The following CHN1 variants were observed in gnomAD, a reference collection of about 807,000 sequenced individuals.
CHN1 encodes the protein N-chimaerin.
A neutral mutation model predicts 59.5 loss-of-function variants in CHN1; 37 were observed. The ratio of observed to expected loss-of-function variants is 0.62; its 90% CI spans 0.48 to 0.82. The LOEUF (loss-of-function observed/expected upper bound fraction) is 0.82. Ranked by LOEUF, CHN1 falls within the 40% of genes least tolerant of loss-of-function variation. CHN1 has a pLI of 0.00. For missense variants in CHN1, 469 were observed against 571.0 expected (o/e 0.82, Z 1.82); for synonymous variants, 206 against 200.4 (o/e 1.03, Z -0.24).
At chr2:174,933,823 G>C (rs1689421592) in intron 3 of CHN1, among the ~76,000 whole-genome samples, 1 of 152,180 alleles carries the variant, frequency 6.6e-6, no homozygotes, top group Non-Finnish European at 1.5e-5. Flanking sequence ...GTTTAGTGTA[G>C]TGAAGAGCTA....
Position 175,004,956 on chromosome 2 carries a change from C to T in CHN1, c.-44G>A, listed in dbSNP as rs1470539249. On this transcript the variant is annotated 5_prime_UTR_variant, in exon 1 of 13. Coordinates refer to ENST00000409900, the MANE Select transcript of CHN1 (RefSeq NM_001822.7). Reference sequence around the variant, plus strand: ...CGCCCGCGAGTCCAGGCGCTCCTCCCAGGCGGGCTAGGGATCACCTCATCA... The same window carrying T: ...CGCCCGCGAGTCCAGGCGCTCCTCCTAGGCGGGCTAGGGATCACCTCATCA... 8 of 1,521,552 alleles carry T rather than the reference C, an allele frequency of 5.3e-6. No individual in the cohort carries two copies. Among genetic ancestry groups the T allele is most frequent in the African/African-American group, 1.4e-5 (1 of 70,534 alleles). 94.3% of individuals were successfully genotyped at this position (1,521,552 alleles called of 1,614,324 possible).
intron 7 of CHN1, among the ~76,000 whole-genome samples, chr2:174,826,002 T>C (rs1159226611): frequency 6.6e-6 from 1 of 152,310 alleles, no homozygotes; most frequent in Admixed American, 6.5e-5. Context: ...AAATACTACA[T>C]TGGCCCAAAT....
intron 8 of CHN1, among the ~76,000 whole-genome samples, chr2:174,814,640 A>G (rs1179702156): frequency 6.6e-6 from 1 of 152,228 alleles, no homozygotes; most frequent in Non-Finnish European, 1.5e-5. Context: ...AAATGCATAC[A>G]TGTAGTAAAC....
chr2:174,826,168 C>G (rs755953957), intron 7 of CHN1, among the ~76,000 whole-genome samples: 2 of 152,114 alleles, frequency 1.3e-5, no homozygotes, highest in Non-Finnish European at 2.9e-5. Context: ...GGAGGAGGGT[C>G]AGGAATGCAG....
intron 1 of CHN1, among the ~76,000 whole-genome samples, chr2:174,967,501 T>C (rs1295893986): frequency 6.6e-6 from 1 of 152,218 alleles, no homozygotes; most frequent in African/African-American, 2.4e-5. Context: ...CGTGTTCCAA[T>C]GTTCATGTTC....
intron 8 of CHN1, among the ~76,000 whole-genome samples, chr2:174,815,048 C>T (rs1434583264): frequency 6.6e-6 from 1 of 151,882 alleles, no homozygotes; most frequent in Non-Finnish European, 1.5e-5. Flanking sequence ...TTGTTATGGT[C>T]CCACTGGTCT....
At chr2:174,851,210 G>A (rs1686718132) in intron 6 of CHN1, among the ~76,000 whole-genome samples, 1 of 152,206 alleles carries the variant, frequency 6.6e-6, no homozygotes, top group African/African-American at 2.4e-5. Flanking sequence ...GGTCATTCTT[G>A]ATAGAAACAT....
intron 3 of CHN1, 41 bp from the exon 4 acceptor site, chr2:174,918,606 C>T: frequency 7.3e-6 from 11 of 1,516,420 alleles, no homozygotes; most frequent in Non-Finnish European, 9.9e-6. Context: ...TGTAAAAATG[C>T]AAATGTGCAG....
chr2:174,807,412 C>A (rs1684919609), intron 11 of CHN1, among the ~76,000 whole-genome samples: 1 of 145,922 alleles, frequency 6.9e-6, no homozygotes. Context: ...GGGATCAGAG[C>A]ATACTGTGGA....
intron 6 of CHN1, among the ~76,000 whole-genome samples, chr2:174,849,150 T>G (rs139851041): frequency 4.7e-4 from 71 of 152,302 alleles, no homozygotes; most frequent in African/African-American, 1.7e-3. Context: ...TTTTCTTGAG[T>G]ATTTTTGATC....
Position 174,974,139 on chromosome 2 carries a change from T to C in CHN1, c.20-21937A>G, listed in dbSNP as rs544525898. Among the ~76,000 whole-genome samples the C allele has an allele frequency of 5.9e-5, 9 of 152,320 alleles. No homozygotes were observed. The South Asian group carries it at 8.3e-4, about 14-fold the overall frequency. ...TCACATATGAAATGTTACAGTCCAA[T>C]AGGTTTACTAAAATGGAAAGGTGGA... On this transcript the variant is annotated intron_variant, in intron 1 of 12. Coordinates refer to ENST00000409900, the MANE Select transcript of CHN1 (RefSeq NM_001822.7).
At chr2:174,911,081 G>A (rs539193823) in intron 5 of CHN1, among the ~76,000 whole-genome samples, 7 of 152,002 alleles carry the variant, frequency 4.6e-5, no homozygotes, top group South Asian at 2.1e-4. Context: ...AAAACTCAAC[G>A]AATGGGTCTA....
At chr2:174,857,537 C>T (rs760584429) in intron 6 of CHN1, among the ~76,000 whole-genome samples, 3 of 151,934 alleles carry the variant, frequency 2.0e-5, no homozygotes, top group Non-Finnish European at 2.9e-5. Context: ...TAAATATAAA[C>T]GAAATTATAT....
intron 3 of CHN1, among the ~76,000 whole-genome samples, chr2:174,940,797 A>G (rs1689636142): frequency 1.3e-5 from 2 of 152,208 alleles, no homozygotes; most frequent in South Asian, 4.1e-4. Flanking sequence ...CAATTAACAA[A>G]TAATTGGTGG....
At chr2:174,973,956 G>T (rs945095665) in intron 1 of CHN1, among the ~76,000 whole-genome samples, 1 of 152,064 alleles carries the variant, frequency 6.6e-6, no homozygotes, top group Non-Finnish European at 1.5e-5. Flanking sequence ...GTACTACAAG[G>T]TATCTCTTAT....
At chr2:174,992,977 TGA>T (rs1194999087) in intron 1 of CHN1, among the ~76,000 whole-genome samples, 1 of 152,198 alleles carries the variant, frequency 6.6e-6, no homozygotes, top group African/African-American at 2.4e-5. Context: ...TTTGTAAAGA[TGA>T]GAGTCTCACT....
chr2:174,866,118 T>A (rs1687208695), intron 6 of CHN1, among the ~76,000 whole-genome samples: 1 of 152,176 alleles, frequency 6.6e-6, no homozygotes, highest in African/African-American at 2.4e-5. Flanking sequence ...TTGAAGTGTT[T>A]CTATTTAAAG....
intron 1 of CHN1, among the ~76,000 whole-genome samples, chr2:174,975,081 T>A (rs1690879166): frequency 6.6e-6 from 1 of 152,194 alleles, no homozygotes; most frequent in Non-Finnish European, 1.5e-5. Flanking sequence ...AAACCCCTGG[T>A]GGCAAACAAC....
chr2:174,880,033 C>T (rs1687688456), intron 5 of CHN1, among the ~76,000 whole-genome samples: 3 of 152,142 alleles, frequency 2.0e-5, no homozygotes, highest in Admixed American at 6.5e-5. Flanking sequence ...CAAGAAGAGG[C>T]CTGGCTACCT....
Sources: allele counts gnomAD v4.1 joint callset (sites outside exome capture counted in the v4.1 genomes callset), GRCh38; gene constraint gnomAD v4.1.1; transcripts MANE v1.5; gene names NCBI Gene and HGNC (gene_info 2026-07-23, HGNC 2026-07-21).